Variants in OR51B5 observed in about 807,000 individuals in gnomAD.
OR51B5 encodes the protein olfactory receptor 51B5.
For missense variants in OR51B5, 456 were observed against 374.6 expected (o/e 1.22, Z -1.79); for synonymous variants, 186 against 144.8 (o/e 1.28, Z -2.04).
chr11:5,447,078 C>A (rs1238464546), intron 1 of OR51B5, among the ~76,000 whole-genome samples: 1 of 152,112 alleles, frequency 6.6e-6, no homozygotes, highest in Non-Finnish European at 1.5e-5. Flanking sequence ...ATGGTGCTGA[C>A]CATGAAAATG....
intron 1 of OR51B5, chr11:5,355,455 C>T (rs553500642): frequency 6.5e-6 from 1 of 153,944 alleles, no homozygotes; most frequent in Non-Finnish European, 1.5e-5. Flanking sequence ...GTCCTCTCCA[C>T]ATTGCAAAGA....
At chr11:5,400,625 T>C (rs1849953929) in intron 1 of OR51B5, among the ~76,000 whole-genome samples, 1 of 151,518 alleles carries the variant, frequency 6.6e-6, no homozygotes, top group Non-Finnish European at 1.5e-5. Context: ...TCCTTTGTAG[T>C]ACTTAATATA....
At chr11:5,449,031 C>T (rs1850808140) in intron 1 of OR51B5, among the ~76,000 whole-genome samples, 1 of 152,232 alleles carries the variant, frequency 6.6e-6, no homozygotes, top group South Asian at 2.1e-4. Flanking sequence ...GCTTGGTCAT[C>T]ATCACATAAA....
Position 5,434,705 on chromosome 11 carries a change from C to T in OR51B5, n.84+70864G>A, listed in dbSNP as rs140188505. Among the ~76,000 whole-genome samples, 539 of 152,296 alleles carry T rather than the reference C, an allele frequency of 3.5e-3. 1 individual carries two copies. The highest frequency in any genetic ancestry group is 0.012 in the African/African-American group (504 of 41,572). On this transcript the variant is annotated intron_variant and non_coding_transcript_variant, in intron 1 of 4. Transcript: ENST00000415970. ...AGGAGACCATAGCTCAAAAGATTAA[C>T]TCAATCTGTGGATGGAAAATGACAA...
chr11:5,398,292 G>A (rs2647559), intron 1 of OR51B5, among the ~76,000 whole-genome samples: 24,748 of 152,124 alleles, frequency 0.16, 2,521 homozygotes, highest in African/African-American at 0.3. Flanking sequence ...CAAAGATACT[G>A]ACTCTATATC....
intron 1 of OR51B5, among the ~76,000 whole-genome samples, chr11:5,496,838 G>A (rs977370086): frequency 3.4e-4 from 52 of 152,172 alleles, no homozygotes; most frequent in African/African-American, 1.2e-3. Flanking sequence ...AATAGCACTT[G>A]GGAGAAGAAG....
intron 1 of OR51B5, among the ~76,000 whole-genome samples, chr11:5,461,842 A>C (rs1011930508): frequency 6.6e-6 from 1 of 152,124 alleles, no homozygotes; most frequent in African/African-American, 2.4e-5. Context: ...TACCCCATAC[A>C]GGCTTTCCAG....
At chr11:5,472,223 A>T (rs1416139998) in intron 1 of OR51B5, among the ~76,000 whole-genome samples, 1 of 152,176 alleles carries the variant, frequency 6.6e-6, no homozygotes, top group Non-Finnish European at 1.5e-5. Flanking sequence ...GGGGATGTGC[A>T]TGTGGGGAGA....
At position 5,398,118 on chromosome 11, in the gene OR51B5, G is replaced by T. The variant is rs548589794; in HGVS notation, n.85-51208C>A. Among the ~76,000 whole-genome samples the T allele has an allele frequency of 3.9e-5, 6 of 152,230 alleles. No homozygotes were observed. The South Asian group carries it at 1.2e-3, about 32-fold the overall frequency. On this transcript the variant is annotated intron_variant and non_coding_transcript_variant, in intron 1 of 4. Transcript: ENST00000415970. ...CTAATGTTAAATGGTGAGTTAATGG[G>T]TGCAGCACACCAACATGGCACATGT... is the stretch of plus-strand genomic sequence containing the variant.
chr11:5,493,921 A>G (rs943022527), intron 1 of OR51B5, among the ~76,000 whole-genome samples: 1 of 152,210 alleles, frequency 6.6e-6, no homozygotes, highest in Non-Finnish European at 1.5e-5. Flanking sequence ...ATATTCATAT[A>G]TATTTTTACA....
At chr11:5,472,062 T>C (rs189085373) in intron 1 of OR51B5, among the ~76,000 whole-genome samples, 12 of 152,262 alleles carry the variant, frequency 7.9e-5, no homozygotes, top group Admixed American at 2.0e-4. Context: ...TATGAGAATA[T>C]TGGCATATGA....
intron 1 of OR51B5, among the ~76,000 whole-genome samples, chr11:5,385,614 T>G (rs1208557546): frequency 3.9e-5 from 6 of 152,024 alleles, no homozygotes; most frequent in African/African-American, 1.2e-4. Context: ...TGGTGAAAAA[T>G]TAATGGCAGT....
intron 1 of OR51B5, among the ~76,000 whole-genome samples, chr11:5,488,519 A>T (rs1173526055): frequency 6.6e-6 from 1 of 152,178 alleles, no homozygotes; most frequent in Non-Finnish European, 1.5e-5. Context: ...AATTAGCAGA[A>T]GGTTTTAAAA....
intron 1 of OR51B5, among the ~76,000 whole-genome samples, chr11:5,415,396 G>A (rs934987311): frequency 6.6e-6 from 1 of 151,082 alleles, no homozygotes; most frequent in African/African-American, 2.4e-5. Context: ...ATATTCAAAA[G>A]CTAGCAGAAG....
intron 1 of OR51B5, among the ~76,000 whole-genome samples, chr11:5,439,145 G>A (rs1850636543): frequency 6.6e-6 from 1 of 151,786 alleles, no homozygotes; most frequent in South Asian, 2.1e-4. Flanking sequence ...CTGAATGGGA[G>A]CCCTAAAGTT....
intron 1 of OR51B5, among the ~76,000 whole-genome samples, chr11:5,466,037 G>A (rs908711562): frequency 2.0e-5 from 3 of 151,870 alleles, no homozygotes; most frequent in Non-Finnish European, 4.4e-5. Flanking sequence ...CAAAATGGGA[G>A]AAAATTTTTG....
intron 1 of OR51B5, among the ~76,000 whole-genome samples, chr11:5,477,157 C>T (rs189531007): frequency 3.3e-5 from 5 of 152,178 alleles, no homozygotes; most frequent in African/African-American, 1.2e-4. Context: ...TGGCTGTATA[C>T]TTATATCCAA....
intron 1 of OR51B5, among the ~76,000 whole-genome samples, chr11:5,475,574 T>TA (rs1366473269): frequency 1.3e-5 from 2 of 152,182 alleles, no homozygotes; most frequent in Non-Finnish European, 2.9e-5. Context: ...GATCTACTAA[T>TA]ACTTACATAA....
intron 1 of OR51B5, among the ~76,000 whole-genome samples, chr11:5,437,660 T>C (rs1343872558): frequency 3.9e-5 from 6 of 152,194 alleles, no homozygotes; most frequent in Non-Finnish European, 7.4e-5. Flanking sequence ...CTACAAGGGA[T>C]TGAGATTCAA....
Sources: allele counts gnomAD v4.1 joint callset (sites outside exome capture counted in the v4.1 genomes callset), GRCh38; gene constraint gnomAD v4.1.1; transcripts MANE v1.5; gene names NCBI Gene and HGNC (gene_info 2026-07-23, HGNC 2026-07-21).